The following FASTKD1 variants were observed in gnomAD, a reference collection of about 807,000 sequenced individuals.
FASTKD1 encodes the protein FAST kinase domains 1, also known as FAST kinase domain-containing protein 1, mitochondrial.
Under a neutral mutation model 90.9 loss-of-function variants are expected in FASTKD1, and 94 were observed. The observed-to-expected ratio is 1.03, with a 90% CI of 0.88 to 1.23. FASTKD1 has a LOEUF of 1.23. Among genes scored for constraint, FASTKD1 ranks in the 50% most tolerant of loss-of-function variants. The pLI, the probability that FASTKD1 is intolerant of heterozygous loss-of-function variation, is 0.00. For synonymous variants in FASTKD1, 319 were observed against 345.8 expected, an observed-to-expected ratio of 0.92 and a Z score of 0.86; for missense variants, 945 against 993.5, an observed-to-expected ratio of 0.95 and a Z score of 0.66.
intron 11 of FASTKD1, 81 bp downstream of exon 11, chr2:169,537,932 G>A (rs1266815813): frequency 6.5e-6 from 8 of 1,231,796 alleles, no homozygotes; most frequent in South Asian, 4.6e-5. Flanking sequence ...TCATGTTTAA[G>A]TATAACAAGA....
At chr2:169,572,795 G>A (rs1280573279) in intron 1 of FASTKD1, among the ~76,000 whole-genome samples, 7 of 151,892 alleles carry the variant, frequency 4.6e-5, no homozygotes, top group Non-Finnish European at 1.0e-4. Context: ...AAGTCATGCT[G>A]AAACAATAAA....
At chr2:169,554,546 CCCAGCT>C (rs1685657319) in intron 7 of FASTKD1, among the ~76,000 whole-genome samples, 1 of 113,684 alleles carries the variant, frequency 8.8e-6, no homozygotes, top group African/African-American at 2.9e-5. Flanking sequence ...TGCCTGTATT[CCCAGCT>C]ACTCGGGAGG....
rs1445373937 is a variant in FASTKD1, at chr2:169,555,186, T to C, written c.1152A>G (p.Glu384=). The C allele has an allele frequency of 6.2e-7, 1 of 1,612,230 alleles. No individual in the cohort carries two copies. The highest frequency in any genetic ancestry group is 1.7e-5 in the Admixed American group (1 of 59,918). Residue 384 remains glutamate, a synonymous_variant, in exon 7 of 15, where the codon GAA becomes GAG. Coordinates refer to ENST00000453153, the MANE Select transcript of FASTKD1 (RefSeq NM_024622.6). Reference sequence around the variant, plus strand: ...TCCTTTGGAAATGCAGAAAAGTTAATTCTTGAGTTATCTTCAACAACTCTA... The same window carrying C: ...TCCTTTGGAAATGCAGAAAAGTTAACTCTTGAGTTATCTTCAACAACTCTA... The part of the protein sequence containing the change: ...KPLELLKITQ[E]LTFLHFQRKE...
chr2:169,551,560 G>A (rs1685490184), intron 7 of FASTKD1, among the ~76,000 whole-genome samples: 1 of 152,156 alleles, frequency 6.6e-6, no homozygotes, highest in South Asian at 2.1e-4. Flanking sequence ...ACTTCAGGAG[G>A]CCAAGGCAGG....
chr2:169,572,552 CT>C (rs3834126), intron 1 of FASTKD1, among the ~76,000 whole-genome samples: 132,317 of 149,842 alleles, frequency 0.88, 58,588 homozygotes, highest in East Asian at 0.98. Flanking sequence ...TATATATATA[CT>C]TTTTTTTTTT....
At chr2:169,547,721 C>T (rs1295498795) in intron 7 of FASTKD1, among the ~76,000 whole-genome samples, 1 of 150,760 alleles carries the variant, frequency 6.6e-6, no homozygotes, top group Non-Finnish European at 1.5e-5. Flanking sequence ...CTACTAAAAA[C>T]ACAAAAAAAT....
chr2:169,539,508 C>A lies in FASTKD1; in HGVS notation c.1945+543G>T, dbSNP rs75207994. On this transcript the variant is annotated intron_variant, in intron 10 of 14. Transcript: ENST00000453153. ...TACAGGCTGGGTGTGGGGGCTCACA[C>A]CTATAATCGCAGCATCTGGGAGGCC... Among the ~76,000 whole-genome samples the A allele has an allele frequency of 5.2e-4, 79 of 151,986 alleles. No individual in the cohort carries two copies. The East Asian group carries it at 0.015, about 28-fold the overall frequency.
chr2:169,545,798 C>T (rs1685164646), intron 8 of FASTKD1, among the ~76,000 whole-genome samples: 3 of 152,136 alleles, frequency 2.0e-5, no homozygotes, highest in African/African-American at 7.2e-5. Context: ...CATGAGTATC[C>T]TCAAAGAATT....
intron 12 of FASTKD1, among the ~76,000 whole-genome samples, chr2:169,533,251 TG>T (rs1298610357): frequency 6.6e-6 from 1 of 152,270 alleles, no homozygotes; most frequent in Non-Finnish European, 1.5e-5. Flanking sequence ...ATTGTTGTTA[TG>T]TTTTTTAAGT....
In FASTKD1 at chr2:169,546,525, T is replaced by C. The variant is rs1228522237; in HGVS notation, c.1394A>G (p.Asp465Gly). The C allele has an allele frequency of 6.2e-7, 1 of 1,614,028 alleles. No individual in the cohort carries two copies. The highest frequency in any genetic ancestry group is 1.3e-5 in the African/African-American group (1 of 74,888). The change falls in exon 8 of 15, where the codon GAT (aspartate) becomes GGT (glycine). Residue 465 changes from aspartate (D) to glycine (G), a missense_variant. Physicochemically the swap from Asp to Gly is moderately conservative, Grantham distance 94 (BLOSUM62 -1). Coordinates refer to ENST00000453153, the MANE Select transcript of FASTKD1 (RefSeq NM_024622.6). ...ATSVLRWIQH[D>G]HMYLDNMTAK... Reference sequence around the variant, plus strand: ...AGTCATATTATCCAAATACATGTGATCATGCTGAATCCATCTTAAAACAGA... The same window carrying C: ...AGTCATATTATCCAAATACATGTGACCATGCTGAATCCATCTTAAAACAGA...
At chr2:169,549,726 C>T (rs1685407732) in intron 7 of FASTKD1, among the ~76,000 whole-genome samples, 1 of 152,112 alleles carries the variant, frequency 6.6e-6, no homozygotes, top group African/African-American at 2.4e-5. Context: ...CTCAGTCTCC[C>T]AAAGTCCTGG....
chr2:169,546,195 A>G, intron 8 of FASTKD1, 23 bp downstream of exon 8: 5 of 1,517,908 alleles, frequency 3.3e-6, no homozygotes, highest in Non-Finnish European at 4.4e-6. Context: ...CTATAAAATT[A>G]ATGTCTACCA....
At chr2:169,533,747 G>A (rs1258766493) in intron 12 of FASTKD1, among the ~76,000 whole-genome samples, 2 of 152,098 alleles carry the variant, frequency 1.3e-5, no homozygotes, top group African/African-American at 4.8e-5. Context: ...AACTAAAAAA[G>A]ATGTTGTATA....
Position 169,546,667 on chromosome 2 carries a change from C to G in FASTKD1, c.1252G>C (p.Val418Leu), listed in dbSNP as rs753110609. ...AGCAGGGAAATAGCACGGACCAGAA[C>G]AGACACCTCAGTTGGTATGAAACTA... ...KNSFIPTEVSVLVRAISLLPS... is the reference protein window; with the variant it reads ...KNSFIPTEVSLLVRAISLLPS... Residue 418 changes from valine to leucine, a missense_variant, in exon 8 of 15, where the codon GTT (valine) becomes CTT (leucine). Physicochemically the swap from Val to Leu is conservative, Grantham distance 32. Transcript: ENST00000453153. The G allele has an allele frequency of 1.9e-6, 3 of 1,612,464 alleles. No individual in the cohort carries two copies. Among genetic ancestry groups the G allele is most frequent in the African/African-American group, 2.7e-5 (2 of 74,924 alleles).
chr2:169,568,779 T>C (rs1055669569), intron 3 of FASTKD1, among the ~76,000 whole-genome samples: 8 of 151,428 alleles, frequency 5.3e-5, no homozygotes, highest in Non-Finnish European at 1.2e-4. Context: ...GGCAGGTGGA[T>C]CACGAGGTCA....
chr2:169,540,178 A>G lies in FASTKD1; in HGVS notation c.1818T>C (p.Gly606=). The change falls in exon 10 of 15, where the codon GGT becomes GGC. Residue 606 remains glycine (G), a splice_region_variant and synonymous_variant. Coordinates refer to ENST00000453153, the MANE Select transcript of FASTKD1 (RefSeq NM_024622.6). ...TCVQHLNSYL[G]ILDPFILVFL... ...ACACTAATATAAAAGGATCCAATAT[A>G]CCTAAAAGAAAATTAAGATTTTTTT... 1.9e-6 allele frequency: 3 copies of G among 1,542,784 alleles called. No homozygotes were observed. The highest frequency in any genetic ancestry group is 2.4e-5 in the South Asian group (2 of 83,706).
intron 12 of FASTKD1, among the ~76,000 whole-genome samples, chr2:169,534,563 G>A (rs999238291): frequency 2.0e-5 from 3 of 148,984 alleles, no homozygotes; most frequent in African/African-American, 7.4e-5. Context: ...GGGTTCAAGC[G>A]ATTCTCCTGC....
At position 169,571,821 on chromosome 2, in the gene FASTKD1, C is replaced by T; in HGVS notation, c.209G>A (p.Cys70Tyr). The change falls in exon 2 of 15, where the codon TGT becomes TAT. Residue 70 changes from cysteine (C) to tyrosine (Y), a missense_variant. Transcript: ENST00000453153. The stretch of plus-strand genomic sequence containing the variant: ...AAGCTTCCAAAGCATATCAAATGCA[C>T]ATCCCACTTGCTTTTCTGAAAGTAT... Reference protein sequence around the residue: ...KAILSEKQVGCAFDMLWKLQK... With the variant: ...KAILSEKQVGYAFDMLWKLQK... The T allele has an allele frequency of 1.9e-6, 3 of 1,614,074 alleles. No individual in the cohort carries two copies. The highest frequency in any genetic ancestry group is 3.3e-5 in the Admixed American group (2 of 60,018).
At chr2:169,552,661 T>C (rs1685540649) in intron 7 of FASTKD1, among the ~76,000 whole-genome samples, 1 of 152,134 alleles carries the variant, frequency 6.6e-6, no homozygotes. Context: ...TAAAAAATTG[T>C]ATACTTTCAC....
Sources: allele counts gnomAD v4.1 joint callset (sites outside exome capture counted in the v4.1 genomes callset), GRCh38; gene constraint gnomAD v4.1.1; transcripts MANE v1.5; gene names NCBI Gene and HGNC (gene_info 2026-07-23, HGNC 2026-07-21).